Variants in SLC6A3 observed in about 807,000 individuals in gnomAD.
SLC6A3 encodes the protein sodium-dependent dopamine transporter.
In SLC6A3, 19 loss-of-function variants were observed where a neutral mutation model predicts 70.4. The ratio of observed to expected loss-of-function variants is 0.27; its 90% CI spans 0.19 to 0.40. SLC6A3 has a LOEUF of 0.40. Ranked by LOEUF, SLC6A3 falls within the 10% of genes least tolerant of loss-of-function variation. SLC6A3 has a pLI of 1.00. For missense variants in SLC6A3, 613 were observed against 838.5 expected (o/e 0.73, Z 3.32); for synonymous variants, 368 against 356.6 (o/e 1.03, Z -0.36).
chr5:1,400,883 CGA>C lies in SLC6A3; in HGVS notation c.1839+30_1839+31del, dbSNP rs28364999. On this transcript the variant is annotated intron_variant, in intron 14 of 14. Coordinates refer to ENST00000270349, the MANE Select transcript of SLC6A3 (RefSeq NM_001044.5). ...AGCTTGGGATCATTCTGAATTCCCC[CGA>C]GAGAGGCCCAGCAGGGACCTCGACC... The C allele has an allele frequency of 0.017, 25,084 of 1,518,040 alleles. 287 individuals carry two copies. The highest frequency in any genetic ancestry group is 0.023 in the South Asian group (1,964 of 84,388). 94.0% of individuals were successfully genotyped at this position (1,518,040 alleles called of 1,614,324 possible). A position where few individuals can be genotyped will look rare whatever the true frequency, so the allele number is the denominator to read the frequency against.
At chr5:1,395,218 A>G (rs1755686421) in intron 14 of SLC6A3, among the ~76,000 whole-genome samples, 1 of 152,174 alleles carries the variant, frequency 6.6e-6, no homozygotes, top group Non-Finnish European at 1.5e-5. Flanking sequence ...CTGCAGCTCC[A>G]TCTTGCTCTC....
rs1333364975 is a variant in SLC6A3, at chr5:1,414,800, G to A, written c.1047C>T (p.Thr349=). Residue 349 remains threonine (T), a synonymous_variant, in exon 8 of 15, where the codon ACC becomes ACT. Transcript: ENST00000270349. ...TNNCYRDAIV[T]TSINSLTSFS... ...AGCTCGTCAGGGAGTTGATGGAGGT[G>A]GTGACAATCGCGTCCCTGTAAGAAC... The A allele has an allele frequency of 2.5e-6, 4 of 1,612,788 alleles. No homozygotes were observed. Among genetic ancestry groups the A allele is most frequent in the Non-Finnish European group, 3.4e-6 (4 of 1,179,856 alleles).
chr5:1,440,564 C>T (rs531312273), intron 3 of SLC6A3, among the ~76,000 whole-genome samples: 48 of 152,262 alleles, frequency 3.2e-4, no homozygotes, highest in African/African-American at 9.9e-4. Context: ...AGTTCTAACC[C>T]CGCAAACCTC....
chr5:1,434,009 C>T (rs1318262549), intron 3 of SLC6A3, among the ~76,000 whole-genome samples: 1 of 152,248 alleles, frequency 6.6e-6, no homozygotes, highest in African/African-American at 2.4e-5. Flanking sequence ...CCATGGCCAT[C>T]CACAGCCACC....
intron 3 of SLC6A3, 22 bp from the exon 4 acceptor site, chr5:1,432,720 T>C: frequency 6.4e-7 from 1 of 1,574,536 alleles, no homozygotes; most frequent in East Asian, 2.2e-5. Flanking sequence ...GGGGAGGCCA[T>C]GGAGCCCACG....
chr5:1,437,356 CGA>C lies in SLC6A3; in HGVS notation c.418+4001_418+4002del, dbSNP rs568715325. 8.5e-3 allele frequency among the ~76,000 whole-genome samples: 1,289 copies of C among 151,016 alleles called. 24 individuals carry two copies. The highest frequency in any genetic ancestry group is 0.03 in the African/African-American group (1,252 of 41,076). ...TGTGCTTGCTGTGTGTGCATGTACC[CGA>C]GAGACAGAGAGGAGAAGAGACAGAA... On this transcript the variant is annotated intron_variant, in intron 3 of 14. Coordinates refer to ENST00000270349, the MANE Select transcript of SLC6A3 (RefSeq NM_001044.5). This position sits in a 1 kb window ranked among gnomAD's most constrained non-coding sequence, Gnocchi z 4.8.
Position 1,432,448 on chromosome 5 carries a change from C to T in SLC6A3, c.653+16G>A. The stretch of plus-strand genomic sequence containing the variant: ...GCGCCATCTCTCCCGTTCCCGAGGA[C>T]CCGACTCCCACTTACTCAAAGTACT... On this transcript the variant is annotated intron_variant, in intron 4 of 14. Transcript: ENST00000270349. The T allele has an allele frequency of 3.8e-6, 6 of 1,598,090 alleles. No individual in the cohort carries two copies. The highest frequency in any genetic ancestry group is 5.1e-6 in the Non-Finnish European group (6 of 1,165,564).
rs562050995 is a variant in SLC6A3 at position 1,413,019 on chromosome 5, C to T, written c.1157-1664G>A. ...AGGGAATGTAATGTCAACACCCGTG[C>T]CTTCGTTTCTGTACCTAAGTTAACA... On this transcript the variant is annotated intron_variant, in intron 8 of 14. Transcript: ENST00000270349. This position sits in a 1 kb window ranked among gnomAD's most constrained non-coding sequence, Gnocchi z 7.1. Among the ~76,000 whole-genome samples, 12 of 152,354 alleles carry T rather than the reference C, an allele frequency of 7.9e-5. No individual in the cohort carries two copies. The highest frequency in any genetic ancestry group is 2.9e-4 in the African/African-American group (12 of 41,586).
chr5:1,431,129 G>A (rs139119658), intron 4 of SLC6A3, among the ~76,000 whole-genome samples: 74 of 152,382 alleles, frequency 4.9e-4, no homozygotes, highest in Non-Finnish European at 7.8e-4. Context: ...ACGGCGACCC[G>A]GCACGAGGCC....
chr5:1,396,107 G>A lies in SLC6A3; in HGVS notation c.1840-1349C>T, dbSNP rs1009268416. 6.6e-5 allele frequency among the ~76,000 whole-genome samples: 10 copies of A among 152,162 alleles called. No homozygotes were observed. Among genetic ancestry groups the A allele is most frequent in the Non-Finnish European group, 1.5e-4 (10 of 68,036 alleles). On this transcript the variant is annotated intron_variant, in intron 14 of 14. Transcript: ENST00000270349. The surrounding 1 kb of genome is among the most constrained non-coding windows in gnomAD (Gnocchi z 7.0). Reference sequence around the variant, plus strand: ...TTTCACAAGAAACAGCAGAGCACACGCAGCTTCCAGAGATGAAGTAGAAAA... The same window carrying A: ...TTTCACAAGAAACAGCAGAGCACACACAGCTTCCAGAGATGAAGTAGAAAA...
At chr5:1,441,807 G>A (rs746051544) in intron 2 of SLC6A3, among the ~76,000 whole-genome samples, 2 of 152,056 alleles carry the variant, frequency 1.3e-5, no homozygotes, top group African/African-American at 2.4e-5. Flanking sequence ...GTGGTGGTTC[G>A]GGGTGCCCTT....
At chr5:1,439,265 G>A (rs1398764963) in intron 3 of SLC6A3, among the ~76,000 whole-genome samples, 5 of 144,228 alleles carry the variant, frequency 3.5e-5, no homozygotes, top group Middle Eastern at 3.3e-3. Context: ...CCAAGGGGTC[G>A]TCTGGCACCA....
rs1348598243 is a variant in SLC6A3, at chr5:1,420,718, A to C, written c.793-15T>G. 3.1e-6 allele frequency: 5 copies of C among 1,612,650 alleles called. No homozygotes were observed. The highest frequency in any genetic ancestry group is 3.4e-6 in the Non-Finnish European group (4 of 1,179,868). On this transcript the variant is annotated splice_polypyrimidine_tract_variant and intron_variant, in intron 5 of 14. Coordinates refer to ENST00000270349, the MANE Select transcript of SLC6A3 (RefSeq NM_001044.5). Reference sequence around the variant, plus strand: ...ATCCATACCACCTGCAGGAGAGGACAGTGTCACCAGGCTGCACAGGCAGGG... The same window carrying C: ...ATCCATACCACCTGCAGGAGAGGACCGTGTCACCAGGCTGCACAGGCAGGG...
intron 1 of SLC6A3, 84 bp downstream of exon 1, chr5:1,445,264 T>C (rs2735854): frequency 1 from 152,206 of 152,648 alleles, 75,894 homozygotes; most frequent in Middle Eastern, 1. Context: ...CTGTGCCCGG[T>C]CCCCGGCCCC....
Position 1,406,637 on chromosome 5 carries a change from T to C in SLC6A3, c.1499-349A>G, listed in dbSNP as rs1447775385. On this transcript the variant is annotated intron_variant, in intron 11 of 14. Coordinates refer to ENST00000270349, the MANE Select transcript of SLC6A3 (RefSeq NM_001044.5). This position sits in a 1 kb window ranked among gnomAD's most constrained non-coding sequence, Gnocchi z 8.8. ...ACTTCTTGTTCACTTAAAAAGATTA[T>C]GGTAAAATACACATAACATAAAACT... 1.3e-5 allele frequency among the ~76,000 whole-genome samples: 2 copies of C among 152,198 alleles called. No homozygotes were observed. The highest frequency in any genetic ancestry group is 2.9e-5 in the Non-Finnish European group (2 of 68,024).
At position 1,421,762 on chromosome 5, in the gene SLC6A3, T is replaced by C. The variant is rs376660134; in HGVS notation, c.792+114A>G. On this transcript the variant is annotated intron_variant, in intron 5 of 14. Transcript: ENST00000270349. This position sits in a 1 kb window ranked among gnomAD's most constrained non-coding sequence, Gnocchi z 7.2. Reference sequence around the variant, plus strand: ...CCACCCCAACCTGGCCATGGCCACATTGGTAGCACAAAACCCAACTGAGGC... The same window carrying C: ...CCACCCCAACCTGGCCATGGCCACACTGGTAGCACAAAACCCAACTGAGGC... 8 of 1,158,102 alleles carry C rather than the reference T, an allele frequency of 6.9e-6. No individual in the cohort carries two copies. The highest frequency in any genetic ancestry group is 1.5e-5 in the African/African-American group (1 of 66,150). 71.7% of individuals were successfully genotyped at this position (1,158,102 alleles called of 1,614,324 possible).
chr5:1,411,447 A>G lies in SLC6A3; in HGVS notation c.1157-92T>C. 4 of 920,846 alleles carry G rather than the reference A, an allele frequency of 4.3e-6. No individual in the cohort carries two copies. The highest frequency in any genetic ancestry group is 6.9e-6 in the Non-Finnish European group (4 of 580,212). 57.0% of individuals were successfully genotyped at this position (920,846 alleles called of 1,614,324 possible). A position where few individuals can be genotyped will look rare whatever the true frequency, so the allele number is the denominator to read the frequency against. ...CCCGCCCCGAGAAGCATGGCCTGCC[A>G]CAGGCCTGTAGAGACTAGGGCTGGT... On this transcript the variant is annotated intron_variant, in intron 8 of 14. Coordinates refer to ENST00000270349, the MANE Select transcript of SLC6A3 (RefSeq NM_001044.5). This position sits in a 1 kb window ranked among gnomAD's most constrained non-coding sequence, Gnocchi z 6.5.
At position 1,406,029 on chromosome 5, in the gene SLC6A3, G is replaced by A. The variant is rs970342232; in HGVS notation, c.1599+159C>T. 6.6e-6 allele frequency among the ~76,000 whole-genome samples: 1 copy of A among 152,194 alleles called. No individual in the cohort carries two copies. Among genetic ancestry groups the A allele is most frequent in the African/African-American group, 2.4e-5 (1 of 41,456 alleles). On this transcript the variant is annotated intron_variant, in intron 12 of 14. Transcript: ENST00000270349. This position sits in a 1 kb window ranked among gnomAD's most constrained non-coding sequence, Gnocchi z 8.8. ...TGGAAGCCACCTTAAGGAGACTATAGATGAGTTCAGGGATCAGCCTGTCCT... is the reference window on the plus strand; with the variant it reads ...TGGAAGCCACCTTAAGGAGACTATAAATGAGTTCAGGGATCAGCCTGTCCT...
chr5:1,443,381 G>T, intron 1 of SLC6A3, 139 bp from the exon 2 acceptor site: 1 of 720,934 alleles, frequency 1.4e-6, no homozygotes, highest in South Asian at 1.6e-5. Context: ...TGCGTTCTCA[G>T]CGCCTGAGAT....
Sources: gnomAD v4.1 joint callset for allele counts (sites outside exome capture counted in the v4.1 genomes callset) on GRCh38, gnomAD v4.1.1 for gene constraint, Gnocchi (gnomAD v3.1) non-coding constraint, MANE v1.5 for transcripts, NCBI Gene and HGNC (gene_info 2026-07-23, HGNC 2026-07-21) for gene names.